Variants in RSRC2 observed in about 807,000 individuals in gnomAD.
RSRC2 encodes the protein arginine/serine-rich coiled-coil protein 2.
In RSRC2, 5 loss-of-function variants were observed where a neutral mutation model predicts 61.3. The ratio of observed to expected loss-of-function variants is 0.08; its 90% CI spans 0.04 to 0.17. The LOEUF (loss-of-function observed/expected upper bound fraction) is 0.17. Ranked by LOEUF, RSRC2 falls within the 10% of genes least tolerant of loss-of-function variation. The pLI, the probability that RSRC2 is intolerant of heterozygous loss-of-function variation, is 1.00. For synonymous variants in RSRC2, 202 were observed against 166.5 expected (o/e 1.21, Z -1.64); for missense variants, 381 against 518.8 (o/e 0.73, Z 2.58).
chr12:122,512,716 G>T (rs143014749), intron 6 of RSRC2, among the ~76,000 whole-genome samples: 2 of 120,250 alleles, frequency 1.7e-5, no homozygotes, highest in African/African-American at 3.1e-5. Flanking sequence ...TAGGCAACAA[G>T]ACTTCATCTC....
chr12:122,506,647 G>A (rs1277659447), intron 9 of RSRC2, 187 bp downstream of exon 9: 3 of 553,838 alleles, frequency 5.4e-6, no homozygotes, highest in Non-Finnish European at 6.4e-6. Flanking sequence ...TGTGTGTAGG[G>A]AGGACAGTGG....
rs182659858 is a variant in RSRC2, at chr12:122,518,529, G to A, written c.398+310C>T. ...AATCACTTGAACCCAGGAGGCAGAGGTTGCAGTGAGCCGAGATCATGCCAC... is the reference window on the plus strand; with the variant it reads ...AATCACTTGAACCCAGGAGGCAGAGATTGCAGTGAGCCGAGATCATGCCAC... On this transcript the variant is annotated intron_variant, in intron 4 of 9. Coordinates refer to ENST00000331738, the MANE Select transcript of RSRC2 (RefSeq NM_023012.6). Among the ~76,000 whole-genome samples the A allele has an allele frequency of 3.3e-5, 5 of 151,376 alleles. No individual in the cohort carries two copies. In the East Asian group the frequency reaches 7.8e-4, roughly 24 times the overall value.
chr12:122,505,224 G>C lies in RSRC2; in HGVS notation c.*303C>G. 4.0e-6 allele frequency: 1 copy of C among 253,088 alleles called. No homozygotes were observed. The highest frequency in any genetic ancestry group is 1.1e-4 in the South Asian group (1 of 8,846). 15.7% of individuals were successfully genotyped at this position (253,088 alleles called of 1,614,324 possible). On this transcript the variant is annotated 3_prime_UTR_variant, in exon 10 of 10. Coordinates refer to ENST00000331738, the MANE Select transcript of RSRC2 (RefSeq NM_023012.6). ...CAAAAGTACACAAGACAGCGGACAC[G>C]AAAAAATCCATGTATGAGATTTTAT...
intron 6 of RSRC2, among the ~76,000 whole-genome samples, chr12:122,511,443 G>A (rs910136598): frequency 2.0e-5 from 3 of 152,110 alleles, no homozygotes; most frequent in African/African-American, 7.2e-5. Context: ...GTTTTTATAT[G>A]CAGTTCCAAT....
chr12:122,508,782 C>T (rs1958285982), intron 7 of RSRC2, among the ~76,000 whole-genome samples: 1 of 151,872 alleles, frequency 6.6e-6, no homozygotes, highest in Non-Finnish European at 1.5e-5. Context: ...CATGGAGAAA[C>T]CCCGTCTCTA....
At chr12:122,514,517 C>T (rs937680424) in intron 6 of RSRC2, 17 of 824,202 alleles carry the variant, frequency 2.1e-5, no homozygotes, top group Middle Eastern at 1.2e-3. Context: ...CCGCCCGCCT[C>T]GGCCTCCCAA....
intron 4 of RSRC2, 70 bp from the exon 5 acceptor site, chr12:122,517,500 T>C: frequency 6.4e-7 from 1 of 1,569,298 alleles, no homozygotes; most frequent in Non-Finnish European, 8.7e-7. Flanking sequence ...CATCATGAAT[T>C]AGTTACTTGT....
At chr12:122,506,052 T>C (rs1055607795) in intron 9 of RSRC2, among the ~76,000 whole-genome samples, 1 of 151,742 alleles carries the variant, frequency 6.6e-6, no homozygotes, top group African/African-American at 2.4e-5. Flanking sequence ...CCTCCCGAAG[T>C]GTTGGGATTA....
rs202200440 is a variant in RSRC2 at position 122,526,900 on chromosome 12, C to A, written c.-47G>T. ...GAGCGGCGCCTCCACTTGTCGCTTT[C>A]AACAGTACCGGCCGCTCCGAAGCTT... On this transcript the variant is annotated 5_prime_UTR_variant, in exon 1 of 10. Coordinates refer to ENST00000331738, the MANE Select transcript of RSRC2 (RefSeq NM_023012.6). The A allele has an allele frequency of 2.5e-6, 4 of 1,611,874 alleles. No homozygotes were observed. The Admixed American group carries it at 6.7e-5, about 27-fold the overall frequency.
At chr12:122,521,162 A>C (rs765854051) in intron 3 of RSRC2, 83 of 433,202 alleles carry the variant, frequency 1.9e-4, no homozygotes, top group Non-Finnish European at 3.1e-4. Flanking sequence ...TTTATTGTGA[A>C]TATTTTCACA....
At chr12:122,519,836 T>C (rs911828819) in intron 3 of RSRC2, 20 of 152,436 alleles carry the variant, frequency 1.3e-4, no homozygotes, top group African/African-American at 4.6e-4. Context: ...AGTCTCATCC[T>C]ACCAAATACC....
chr12:122,513,445 A>G (rs1958681890), intron 6 of RSRC2, among the ~76,000 whole-genome samples: 1 of 152,016 alleles, frequency 6.6e-6, no homozygotes. Context: ...ACTACATTTA[A>G]AACTTTATCT....
At chr12:122,509,085 A>G (rs1958308585) in intron 7 of RSRC2, among the ~76,000 whole-genome samples, 1 of 152,106 alleles carries the variant, frequency 6.6e-6, no homozygotes, top group Non-Finnish European at 1.5e-5. Context: ...AAAACCTTGT[A>G]TTTTTTTAAA....
intron 3 of RSRC2, 137 bp from the exon 4 acceptor site, chr12:122,519,166 T>A (rs1055156133): frequency 1.5e-6 from 1 of 656,614 alleles, no homozygotes; most frequent in African/African-American, 1.8e-5. Flanking sequence ...AAGATCTAGT[T>A]TCACATCACC....
intron 6 of RSRC2, chr12:122,514,618 G>A (rs1459251745): frequency 2.9e-5 from 30 of 1,033,874 alleles, no homozygotes; most frequent in African/African-American, 7.0e-5. Flanking sequence ...TAGTTACCAG[G>A]AATAAAACTT....
In RSRC2 at chr12:122,518,974, T is replaced by G. The variant is rs17886684; in HGVS notation, c.263A>C (p.His88Pro). Residue 88 changes from histidine to proline, a missense_variant, in exon 4 of 10, where the codon CAT becomes CCT. His to Pro is a moderately conservative substitution (Grantham distance 77). Around this residue, in one of 4 missense-constraint regions of RSRC2, gnomAD observed 266 missense variants for 270.5 expected, o/e 0.98. Transcript: ENST00000331738. ...ATCAGAAGAATGTTCTTTGTCATTA[T>G]GTTCCTCAGACTTATGTTTCTTAGA... ...KSSKKHKSEE[H>P]NDKEHSSDKG... The G allele has an allele frequency of 8.1e-6, 13 of 1,613,780 alleles. No homozygotes were observed. The highest frequency in any genetic ancestry group is 1.1e-5 in the Non-Finnish European group (13 of 1,179,734).
intron 1 of RSRC2, among the ~76,000 whole-genome samples, chr12:122,524,898 A>G (rs574505252): frequency 6.6e-6 from 1 of 152,328 alleles, no homozygotes; most frequent in African/African-American, 2.4e-5. Context: ...CGAGGTAGCC[A>G]CTTTGGTTTC....
intron 1 of RSRC2, among the ~76,000 whole-genome samples, chr12:122,525,186 C>G (rs755757224): frequency 2.0e-5 from 3 of 152,012 alleles, no homozygotes; most frequent in African/African-American, 4.8e-5. Flanking sequence ...CCAGCCTGGC[C>G]GACGTGGTGA....
At position 122,520,534 on chromosome 12, in the gene RSRC2, ATC is replaced by A. The variant is rs768063447; in HGVS notation, c.207+849_207+850del. The A allele has an allele frequency of 2.9e-6, 4 of 1,367,422 alleles. No homozygotes were observed. The African/African-American group carries it at 4.4e-5, about 15-fold the overall frequency. 84.7% of individuals were successfully genotyped at this position (1,367,422 alleles called of 1,614,324 possible). On this transcript the variant is annotated intron_variant, in intron 3 of 9. Transcript: ENST00000331738. ...CATGAAGTAGGCTTATTATTTTGCT[ATC>A]TGAGTCTGCAGCGTCTTCAGTTCAG...
Sources: gnomAD v4.1 joint callset for allele counts (sites outside exome capture counted in the v4.1 genomes callset) on GRCh38, gnomAD v4.1.1 for gene constraint, gnomAD v4.1.1 regional missense constraint, MANE v1.5 for transcripts, NCBI Gene and HGNC (gene_info 2026-07-23, HGNC 2026-07-21) for gene names.